Variants in EDA observed in about 807,000 individuals in gnomAD.
EDA encodes the protein ectodysplasin A, also known as ectodysplasin-A.
A neutral mutation model predicts 23.6 loss-of-function variants in EDA; 2 were observed. That is an observed-to-expected ratio of 0.08 (90% CI 0.03 to 0.27). The LOEUF is 0.27. Among genes scored for constraint, EDA ranks in the 10% least tolerant of loss-of-function variants. EDA has a pLI of 1.00. For synonymous variants in EDA, 131 were observed against 132.0 expected (o/e 0.99, Z 0.05); for missense variants, 229 against 324.2 (o/e 0.71, Z 2.26).
intron 2 of EDA, among the ~76,000 whole-genome samples, chrX:70,001,061 T>C (rs2019733961): frequency 8.9e-6 from 1 of 112,041 alleles, no homozygotes; most frequent in Admixed American, 9.5e-5. Context: ...ACTTACCATG[T>C]TGAAGGATAA....
At chrX:69,835,174 T>C (rs1186615543) in intron 1 of EDA, among the ~76,000 whole-genome samples, 10 of 112,076 alleles carry the variant, frequency 8.9e-5, no homozygotes, top group Non-Finnish European at 1.9e-4. Context: ...CCTTGGTGAA[T>C]CTGACAATTA....
intron 1 of EDA, among the ~76,000 whole-genome samples, chrX:69,642,192 T>G (rs1188059417): frequency 9.0e-6 from 1 of 110,986 alleles, no homozygotes. Flanking sequence ...TAGTGCAAAA[T>G]TTTAGCTTTA....
intron 1 of EDA, among the ~76,000 whole-genome samples, chrX:69,738,723 C>A (rs902295466): frequency 1.8e-5 from 2 of 109,015 alleles, no homozygotes; most frequent in Non-Finnish European, 3.8e-5. Flanking sequence ...TTTCTAATTT[C>A]CAGTTTGATT....
chrX:69,718,826 G>A (rs1319984830), intron 1 of EDA, among the ~76,000 whole-genome samples: 2 of 111,473 alleles, frequency 1.8e-5, no homozygotes, highest in African/African-American at 6.5e-5. Context: ...AATGAGTTAG[G>A]AAGTATTACC....
chrX:69,944,876 A>G (rs1602554260), intron 1 of EDA, among the ~76,000 whole-genome samples: 1 of 111,961 alleles, frequency 8.9e-6, no homozygotes, highest in South Asian at 3.7e-4. Flanking sequence ...AGTTCCAACC[A>G]CTGGCTAGCA....
intron 1 of EDA, among the ~76,000 whole-genome samples, chrX:69,828,889 T>C (rs1168853994): frequency 8.9e-6 from 1 of 112,356 alleles, no homozygotes; most frequent in East Asian, 2.8e-4. Context: ...GTTCTTTCTG[T>C]TTTCTTTGCC....
chrX:69,757,289 T>C (rs2014152153), intron 1 of EDA, among the ~76,000 whole-genome samples: 2 of 111,340 alleles, frequency 1.8e-5, no homozygotes, highest in Admixed American at 9.5e-5. Context: ...TTAAAGGGGG[T>C]GCTGCAAATA....
chrX:69,785,485 G>A (rs865788487), intron 1 of EDA, among the ~76,000 whole-genome samples: 139 of 107,767 alleles, frequency 1.3e-3, no homozygotes, highest in South Asian at 2.5e-3. Context: ...CTAATTTATT[G>A]AGAGTTTTTA....
chrX:69,657,628 G>A (rs1933359123), intron 1 of EDA, among the ~76,000 whole-genome samples: 1 of 111,989 alleles, frequency 8.9e-6, no homozygotes, highest in Admixed American at 9.5e-5. Flanking sequence ...AAGTCTTTAA[G>A]CCATCTTGAT....
rs770951522 is a variant in EDA at position 69,633,885 on chromosome X, G to A, written c.396+17181G>A. On this transcript the variant is annotated intron_variant, in intron 1 of 7. Coordinates refer to ENST00000374552, the MANE Select transcript of EDA (RefSeq NM_001399.5). Reference sequence around the variant, plus strand: ...TCATTTGGGGTATATACCTAGTGGTGGAATTGCTGGGTCCTATGTTAATTC... The same window carrying A: ...TCATTTGGGGTATATACCTAGTGGTAGAATTGCTGGGTCCTATGTTAATTC... Among the ~76,000 whole-genome samples the A allele has an allele frequency of 3.4e-3, 382 of 112,150 alleles. 3 individuals are homozygous for A. The highest frequency in any genetic ancestry group is 5.2e-3 in the Non-Finnish European group (275 of 53,200).
chrX:69,798,554 C>T (rs2015599582), intron 1 of EDA, among the ~76,000 whole-genome samples: 1 of 111,360 alleles, frequency 9.0e-6, no homozygotes, highest in African/African-American at 3.3e-5. Context: ...AAACAACATG[C>T]TCCTGGATGA....
In EDA at chrX:69,827,069, G is replaced by A. The variant is rs763163042; in HGVS notation, c.397-129958G>A. Among the ~76,000 whole-genome samples, 20 of 112,034 alleles carry A rather than the reference G, an allele frequency of 1.8e-4. No individual in the cohort carries two copies. In the East Asian group the frequency reaches 2.8e-3, roughly 16 times the overall value. Reference sequence around the variant, plus strand: ...TTTTAGAGTTTCTGCCGAGAGATCCGTTGTTAGTCTGATGGGCTTCCCTTT... The same window carrying A: ...TTTTAGAGTTTCTGCCGAGAGATCCATTGTTAGTCTGATGGGCTTCCCTTT... On this transcript the variant is annotated intron_variant, in intron 1 of 7. Coordinates refer to ENST00000374552, the MANE Select transcript of EDA (RefSeq NM_001399.5).
intron 2 of EDA, among the ~76,000 whole-genome samples, chrX:69,990,721 G>C (rs2019575621): frequency 9.2e-6 from 1 of 108,269 alleles, no homozygotes; most frequent in Non-Finnish European, 1.9e-5. Context: ...TGGCTCAAGA[G>C]AGCAGGATTT....
rs780381298 is a variant in EDA, at chrX:69,699,382, G to T, written c.396+82678G>T. Among the ~76,000 whole-genome samples the T allele has an allele frequency of 6.3e-5, 7 of 111,235 alleles. No homozygotes were observed. The South Asian group carries it at 2.7e-3, about 43-fold the overall frequency. ...AGAAGGACAGGGACAGAGCATGGCC[G>T]AGTTTAGATGGGAGCTGGTTAGCAT... is the stretch of plus-strand genomic sequence containing the variant. On this transcript the variant is annotated intron_variant, in intron 1 of 7. Transcript: ENST00000374552.
intron 1 of EDA, among the ~76,000 whole-genome samples, chrX:69,653,290 A>G (rs913669867): frequency 2.7e-5 from 3 of 111,305 alleles, no homozygotes; most frequent in African/African-American, 6.5e-5. Context: ...TGTTATTGGT[A>G]TATAAGAATG....
intron 1 of EDA, among the ~76,000 whole-genome samples, chrX:69,784,957 T>C (rs1426288319): frequency 1.8e-5 from 2 of 111,025 alleles, no homozygotes; most frequent in Non-Finnish European, 3.8e-5. Flanking sequence ...TTGCATCCTC[T>C]TTTATTTCCT....
chrX:69,641,783 G>C (rs1325829179), intron 1 of EDA, among the ~76,000 whole-genome samples: 1 of 111,164 alleles, frequency 9.0e-6, no homozygotes, highest in African/African-American at 3.3e-5. Flanking sequence ...GACTCTCATG[G>C]GTACATTCTA....
chrX:69,926,656 G>A (rs1226602315), intron 1 of EDA, among the ~76,000 whole-genome samples: 1 of 112,095 alleles, frequency 8.9e-6, no homozygotes, highest in Admixed American at 9.4e-5. Flanking sequence ...GAAGAATTCT[G>A]TAGATGTCTA....
chrX:69,905,879 A>G (rs992797924), intron 1 of EDA, among the ~76,000 whole-genome samples: 1 of 111,002 alleles, frequency 9.0e-6, no homozygotes, highest in African/African-American at 3.3e-5. Flanking sequence ...ATAAATTTCC[A>G]TATCTCATAT....
Sources: allele counts gnomAD v4.1 joint callset (sites outside exome capture counted in the v4.1 genomes callset), GRCh38; gene constraint gnomAD v4.1.1; transcripts MANE v1.5; gene names NCBI Gene and HGNC (gene_info 2026-07-23, HGNC 2026-07-21).